The following ADAMTS17 variants were observed in gnomAD, a reference collection of about 807,000 sequenced individuals.
ADAMTS17 encodes A disintegrin and metalloproteinase with thrombospondin motifs 17.
In ADAMTS17, 113 loss-of-function variants were observed where a neutral mutation model predicts 141.5. That is an observed-to-expected ratio of 0.80 (90% CI 0.69 to 0.93). The LOEUF (loss-of-function observed/expected upper bound fraction) is 0.93, where lower values mean the gene tolerates loss of function less well. ADAMTS17 is among the 40% of genes least tolerant of loss of function. The probability of loss-of-function intolerance (pLI) is 0.00; values close to 1 mark genes in which losing one functional copy is unlikely to be tolerated. For synonymous variants in ADAMTS17, 768 were observed against 630.6 expected, an observed-to-expected ratio of 1.22 and a Z score of -3.27; for missense variants, 1,659 against 1,517.9, an observed-to-expected ratio of 1.09 and a Z score of -1.54.
intron 4 of ADAMTS17, 121 bp from the exon 5 acceptor site, chr15:100,262,556 T>A: frequency 8.7e-6 from 6 of 691,450 alleles, no homozygotes; most frequent in Non-Finnish European, 1.4e-5. Context: ...GAAATAGAAA[T>A]AAAGCGTAGA....
In ADAMTS17 at chr15:100,155,240, C is replaced by T. The variant is rs377436249; in HGVS notation, c.1262G>A (p.Arg421Gln). Reference protein sequence around the residue: ...HIMSGEWVKGRNPSDLSWSSC... With the variant: ...HIMSGEWVKGQNPSDLSWSSC... Reference sequence around the variant, plus strand: ...GGACCAAGAGAGGTCACTTGGGTTCCGGCCTTTCACCCACTCTCCTGACAT... The same window carrying T: ...GGACCAAGAGAGGTCACTTGGGTTCTGGCCTTTCACCCACTCTCCTGACAT... The change falls in exon 9 of 22, where the codon CGG becomes CAG. Residue 421 changes from arginine to glutamine, a missense_variant. Coordinates refer to ENST00000268070, the MANE Select transcript of ADAMTS17 (RefSeq NM_139057.4). 73 of 1,614,074 alleles carry T rather than the reference C, an allele frequency of 4.5e-5. No individual in the cohort carries two copies. Among genetic ancestry groups the T allele is most frequent in the Middle Eastern group, 1.6e-4 (1 of 6,084 alleles).
chr15:100,279,854 T>A (rs2044224480), intron 4 of ADAMTS17, among the ~76,000 whole-genome samples: 1 of 152,154 alleles, frequency 6.6e-6, no homozygotes, highest in South Asian at 2.1e-4. Flanking sequence ...TCATTTCCCA[T>A]TCACTTTTCA....
intron 13 of ADAMTS17, among the ~76,000 whole-genome samples, chr15:100,115,588 C>T (rs950480190): frequency 1.3e-5 from 2 of 152,174 alleles, no homozygotes; most frequent in African/African-American, 4.8e-5. Context: ...GGCTGTTAGA[C>T]TAAAAGCTGC....
intron 3 of ADAMTS17, among the ~76,000 whole-genome samples, chr15:100,320,652 G>C (rs1030680506): frequency 7.9e-5 from 12 of 152,144 alleles, no homozygotes; most frequent in African/African-American, 2.9e-4. Flanking sequence ...GGGCTACATG[G>C]TGAAACCCTG....
chr15:100,016,400 G>A (rs2061289222), intron 18 of ADAMTS17, among the ~76,000 whole-genome samples: 1 of 152,076 alleles, frequency 6.6e-6, no homozygotes, highest in African/African-American at 2.4e-5. Context: ...ATCCATTGCT[G>A]GTGAACAAGT....
intron 3 of ADAMTS17, among the ~76,000 whole-genome samples, chr15:100,284,436 C>T (rs1214295276): frequency 6.6e-6 from 1 of 152,226 alleles, no homozygotes; most frequent in African/African-American, 2.4e-5. Context: ...ATGACACTTG[C>T]TCAACAGCCC....
chr15:100,044,939 T>C (rs1227549607), intron 18 of ADAMTS17, among the ~76,000 whole-genome samples: 2 of 151,844 alleles, frequency 1.3e-5, no homozygotes, highest in African/African-American at 2.4e-5. Context: ...TCCTGAGTAG[T>C]TGGGACTACA....
chr15:100,097,028 G>C (rs980722653), intron 14 of ADAMTS17, among the ~76,000 whole-genome samples: 4 of 152,190 alleles, frequency 2.6e-5, no homozygotes, highest in Non-Finnish European at 5.9e-5. Flanking sequence ...GGAAGACCTA[G>C]TCTATGAAGA....
At chr15:100,184,553 G>A (rs1026482025) in intron 8 of ADAMTS17, among the ~76,000 whole-genome samples, 3 of 152,176 alleles carry the variant, frequency 2.0e-5, no homozygotes, top group Admixed American at 2.0e-4. Flanking sequence ...TGGGGCACAT[G>A]GAGGGTAAAT....
intron 8 of ADAMTS17, among the ~76,000 whole-genome samples, chr15:100,155,966 T>C (rs185986571): frequency 2.7e-5 from 4 of 147,694 alleles, no homozygotes; most frequent in Non-Finnish European, 6.0e-5. Context: ...AGCCAAGACA[T>C]GCAGCACGCA....
intron 18 of ADAMTS17, among the ~76,000 whole-genome samples, chr15:100,044,049 G>T (rs1032002540): frequency 5.3e-5 from 8 of 152,320 alleles, no homozygotes; most frequent in African/African-American, 1.9e-4. Flanking sequence ...GTGCAGCATG[G>T]TTCTCTCTTA....
At chr15:100,047,077 GC>G (rs768291688) in intron 18 of ADAMTS17, among the ~76,000 whole-genome samples, 5 of 151,792 alleles carry the variant, frequency 3.3e-5, no homozygotes, top group Non-Finnish European at 4.4e-5. Context: ...CTCTAAAATG[GC>G]CCCCCTGGGT....
intron 15 of ADAMTS17, among the ~76,000 whole-genome samples, chr15:100,082,169 G>A (rs1271062418): frequency 5.9e-5 from 9 of 151,994 alleles, no homozygotes; most frequent in East Asian, 1.9e-4. Context: ...GGGTTCAAGC[G>A]ATTCTCCTGC....
intron 4 of ADAMTS17, among the ~76,000 whole-genome samples, chr15:100,265,195 G>A (rs560657934): frequency 2.6e-5 from 4 of 152,280 alleles, no homozygotes; most frequent in South Asian, 2.1e-4. Flanking sequence ...AGGGCAAGGC[G>A]CACGTTCAGA....
chr15:100,270,217 G>C (rs1162262540), intron 4 of ADAMTS17, among the ~76,000 whole-genome samples: 1 of 152,036 alleles, frequency 6.6e-6, no homozygotes, highest in Non-Finnish European at 1.5e-5. Flanking sequence ...TTCTTCAATA[G>C]GGTGTGGATG....
At position 100,057,356 on chromosome 15, in the gene ADAMTS17, G is replaced by C. The variant is rs577315977; in HGVS notation, c.2138-3302C>G. Among the ~76,000 whole-genome samples, 12 of 152,244 alleles carry C rather than the reference G, an allele frequency of 7.9e-5. No individual in the cohort carries two copies. In the South Asian group the frequency reaches 2.3e-3, roughly 29 times the overall value. On this transcript the variant is annotated intron_variant, in intron 15 of 21. Coordinates refer to ENST00000268070, the MANE Select transcript of ADAMTS17 (RefSeq NM_139057.4). ...GAGCAAATGATTTCTTTGAAGCTGT[G>C]TGCTGACCACAGCCACACCAGGGCC...
At chr15:100,096,169 A>T (rs1020745289) in intron 15 of ADAMTS17, among the ~76,000 whole-genome samples, 187 bp downstream of exon 15, 1 of 152,210 alleles carries the variant, frequency 6.6e-6, no homozygotes, top group African/African-American at 2.4e-5. Flanking sequence ...CACTACTAGC[A>T]ACGTGAAGGC....
intron 7 of ADAMTS17, among the ~76,000 whole-genome samples, chr15:100,205,533 C>T (rs1356714262): frequency 1.3e-5 from 2 of 152,112 alleles, no homozygotes; most frequent in African/African-American, 4.8e-5. Flanking sequence ...CTCCAGGGAG[C>T]AATGTAACGT....
At chr15:100,029,175 T>C (rs1032341340) in intron 18 of ADAMTS17, among the ~76,000 whole-genome samples, 8 of 152,216 alleles carry the variant, frequency 5.3e-5, no homozygotes, top group Non-Finnish European at 7.3e-5. Flanking sequence ...GTTGTGATTA[T>C]GGAGTCAGAA....
Sources: gnomAD v4.1 joint callset for allele counts (sites outside exome capture counted in the v4.1 genomes callset) on GRCh38, gnomAD v4.1.1 for gene constraint, MANE v1.5 for transcripts, NCBI Gene and HGNC (gene_info 2026-07-23, HGNC 2026-07-21) for gene names.